Variants in HCK observed in about 807,000 individuals in gnomAD.
The protein encoded by HCK is HCK proto-oncogene, Src family tyrosine kinase, also known as tyrosine-protein kinase HCK.
HCK carries 40 observed loss-of-function variants against 70.4 expected under a neutral mutation model. The observed-to-expected ratio is 0.57, with a 90% CI of 0.44 to 0.74. The LOEUF is 0.74. Ranked by LOEUF, HCK falls within the 30% of genes least tolerant of loss-of-function variation. The pLI, the probability that HCK is intolerant of heterozygous loss-of-function variation, is 0.00. For missense variants in HCK, 568 were observed against 697.2 expected, an observed-to-expected ratio of 0.81 and a Z score of 2.09; for synonymous variants, 245 against 263.2, an observed-to-expected ratio of 0.93 and a Z score of 0.67.
chr20:32,101,246 C>T, intron 12 of HCK, 71 bp from the exon 13 acceptor site: 1 of 1,424,890 alleles, frequency 7.0e-7, no homozygotes, highest in Non-Finnish European at 9.7e-7. Flanking sequence ...CTGGGGAGGC[C>T]ACAGGGCCTG....
At position 32,094,006 on chromosome 20, in the gene HCK, G is replaced by A. The variant is rs770931769; in HGVS notation, c.1236G>A (p.Thr412=). 30 of 1,612,614 alleles carry A rather than the reference G, an allele frequency of 1.9e-5. No homozygotes were observed. The highest frequency in any genetic ancestry group is 1.6e-4 in the Middle Eastern group (1 of 6,072). ...GGGTCATTGAGGACAACGAGTACACGGCTCGGGAAGGTAGGGAACGCTGCC... is the reference window on the plus strand; with the variant it reads ...GGGTCATTGAGGACAACGAGTACACAGCTCGGGAAGGTAGGGAACGCTGCC... Residue 412 remains threonine, a synonymous_variant, in exon 11 of 13, where the codon ACG becomes ACA. Transcript: ENST00000375852.
chr20:32,060,958 AT>A (rs369319334), intron 1 of HCK, among the ~76,000 whole-genome samples: 37 of 148,556 alleles, frequency 2.5e-4, no homozygotes, highest in Non-Finnish European at 3.1e-4. Flanking sequence ...GCCATGCCGT[AT>A]TTTTTTTTTG....
chr20:32,054,662 C>T (rs1198090498), intron 1 of HCK, among the ~76,000 whole-genome samples: 1 of 151,512 alleles, frequency 6.6e-6, no homozygotes, highest in Admixed American at 6.6e-5. Context: ...AAAAATTAGC[C>T]GGGCATGGTG....
Position 32,052,470 on chromosome 20 carries a change from G to A in HCK, c.46G>A (p.Glu16Lys), listed in dbSNP as rs922262149. 5.5e-6 allele frequency: 7 copies of A among 1,265,188 alleles called. No individual in the cohort carries two copies. Among genetic ancestry groups the A allele is most frequent in the Non-Finnish European group, 7.0e-6 (7 of 996,992 alleles). 78.4% of individuals were successfully genotyped at this position (1,265,188 alleles called of 1,614,324 possible). A position where few individuals can be genotyped will look rare whatever the true frequency, so the allele number is the denominator to read the frequency against. Reference sequence around the variant, plus strand: ...CGAGGATCCGGGCTGCCCGCGAGACGAGGAGCGGGCGCCCAGGTGAGTGCC... The same window carrying A: ...CGAGGATCCGGGCTGCCCGCGAGACAAGGAGCGGGCGCCCAGGTGAGTGCC... The change falls in exon 1 of 13, where the codon GAG becomes AAG. Residue 16 changes from glutamate (E) to lysine (K), a missense_variant. Physicochemically the swap from Glu to Lys is moderately conservative, Grantham distance 56. Around this residue, in one of 4 missense-constraint regions of HCK, gnomAD observed 318 missense variants for 336.0 expected, o/e 0.95. Transcript: ENST00000375852.
chr20:32,089,656 T>C (rs950892457), intron 10 of HCK, among the ~76,000 whole-genome samples: 1 of 152,164 alleles, frequency 6.6e-6, no homozygotes, highest in Non-Finnish European at 1.5e-5. Context: ...TTGCAGCTCC[T>C]CTCACCCCCA....
At chr20:32,080,961 C>T (rs1266624178) in intron 6 of HCK, among the ~76,000 whole-genome samples, 1 of 151,996 alleles carries the variant, frequency 6.6e-6, no homozygotes, top group Non-Finnish European at 1.5e-5. Context: ...TGGTGGTGCA[C>T]ATCTGTACTC....
intron 1 of HCK, among the ~76,000 whole-genome samples, chr20:32,066,046 C>T (rs546044356): frequency 2.0e-4 from 30 of 152,204 alleles, no homozygotes; most frequent in Admixed American, 4.6e-4. Context: ...CTGGTTCTCA[C>T]GCTAGCCACA....
intron 1 of HCK, among the ~76,000 whole-genome samples, chr20:32,069,345 A>T (rs1448281031): frequency 6.6e-6 from 1 of 152,206 alleles, no homozygotes; most frequent in Non-Finnish European, 1.5e-5. Flanking sequence ...AAGGTGCTCA[A>T]CGCGCATGGA....
intron 1 of HCK, among the ~76,000 whole-genome samples, chr20:32,059,432 T>TTTTCTTTC (rs397838502): frequency 6.8e-6 from 1 of 147,570 alleles, no homozygotes; most frequent in African/African-American, 2.5e-5. Flanking sequence ...TTTCTTTCTT[T>TTTTCTTTC]TTTCTTTCTT....
At chr20:32,061,992 T>C (rs1230219156) in intron 1 of HCK, among the ~76,000 whole-genome samples, 1 of 148,360 alleles carries the variant, frequency 6.7e-6, no homozygotes, top group Admixed American at 6.8e-5. Flanking sequence ...CAGGCTGGAC[T>C]GCAGTGGTGC....
At chr20:32,086,208 A>C (rs2045783371) in intron 8 of HCK, among the ~76,000 whole-genome samples, 1 of 152,100 alleles carries the variant, frequency 6.6e-6, no homozygotes, top group Non-Finnish European at 1.5e-5. Flanking sequence ...TTTAGTAGAG[A>C]CGGGGTTTCA....
chr20:32,099,900 AC>A (rs2046009995), intron 12 of HCK, among the ~76,000 whole-genome samples: 2 of 86,722 alleles, frequency 2.3e-5, no homozygotes, highest in African/African-American at 6.2e-5. Context: ...TCCTTTCTCC[AC>A]CTTTTTTTTT....
chr20:32,089,604 C>T (rs1402853554), intron 10 of HCK, among the ~76,000 whole-genome samples: 2 of 152,212 alleles, frequency 1.3e-5, no homozygotes, highest in Non-Finnish European at 2.9e-5. Flanking sequence ...CGCAAAAACA[C>T]TGCTGAAAAC....
intron 1 of HCK, chr20:32,069,667 T>C (rs2045509698): frequency 1.8e-6 from 1 of 566,348 alleles, no homozygotes; most frequent in African/African-American, 1.9e-5. Context: ...CTGAATGTGT[T>C]CCTTATTTTA....
chr20:32,071,749 G>A lies in HCK; in HGVS notation c.150G>A (p.Val50=), dbSNP rs1342560826. 1 of 1,614,146 alleles carries A rather than the reference G, an allele frequency of 6.2e-7. No individual in the cohort carries two copies. Among genetic ancestry groups the A allele is most frequent in the Non-Finnish European group, 8.5e-7 (1 of 1,180,000 alleles). ...CCAGCGCCAGCCCACACTGTCCTGT[G>A]TACGTGCCGGATCCCACATCCACCA... Residue 50 remains valine, a synonymous_variant, in exon 2 of 13, where the codon GTG becomes GTA. Coordinates refer to ENST00000375852, the MANE Select transcript of HCK (RefSeq NM_002110.5).
intron 8 of HCK, 111 bp from the exon 9 acceptor site, chr20:32,086,517 G>A: frequency 1.2e-6 from 1 of 859,700 alleles, no homozygotes. Flanking sequence ...TGAGAGTTGA[G>A]ATGAGCAGGA....
At chr20:32,073,252 C>T in intron 2 of HCK, 67 bp from the exon 3 acceptor site, 3 of 1,398,624 alleles carry the variant, frequency 2.1e-6, no homozygotes, top group Non-Finnish European at 2.0e-6. Context: ...TCCTTCTCAA[C>T]ACAGACCTTC....
chr20:32,087,226 G>T (rs887419122), intron 9 of HCK, among the ~76,000 whole-genome samples: 1 of 56,922 alleles, frequency 1.8e-5, no homozygotes, highest in Non-Finnish European at 3.8e-5. Flanking sequence ...CCCCACCCCC[G>T]CCCTGCCACA....
chr20:32,058,360 C>T (rs1232088399), intron 1 of HCK, among the ~76,000 whole-genome samples: 3 of 151,882 alleles, frequency 2.0e-5, no homozygotes, highest in African/African-American at 7.3e-5. Flanking sequence ...GGTGAAACCC[C>T]GTCTCTACTA....
Sources: allele counts gnomAD v4.1 joint callset (sites outside exome capture counted in the v4.1 genomes callset), GRCh38; gene constraint gnomAD v4.1.1; regional missense constraint gnomAD v4.1.1; transcripts MANE v1.5; gene names NCBI Gene and HGNC (gene_info 2026-07-23, HGNC 2026-07-21).